The following PKD2L2 variants were observed in gnomAD, a reference collection of about 807,000 sequenced individuals.
PKD2L2 encodes polycystin 2 like 2, transient receptor potential cation channel, also known as polycystin-2-like protein 2.
A neutral mutation model predicts 83.9 loss-of-function variants in PKD2L2; 67 were observed. The ratio of observed to expected loss-of-function variants is 0.80; its 90% CI spans 0.66 to 0.98. The LOEUF (loss-of-function observed/expected upper bound fraction) is 0.98. Ranked by LOEUF, PKD2L2 falls within the 50% of genes least tolerant of loss-of-function variation. The probability of loss-of-function intolerance (pLI) is 0.00; values close to 1 mark genes in which losing one functional copy is unlikely to be tolerated. For synonymous variants in PKD2L2, 223 were observed against 237.8 expected (o/e 0.94, Z 0.57); for missense variants, 632 against 717.2 (o/e 0.88, Z 1.36).
chr5:137,909,176 G>C (rs373512810), intron 8 of PKD2L2, among the ~76,000 whole-genome samples: 15 of 152,046 alleles, frequency 9.9e-5, no homozygotes, highest in African/African-American at 3.6e-4. Flanking sequence ...AGGACTACAG[G>C]TGTGCACCAC....
chr5:137,892,620 T>C lies in PKD2L2; in HGVS notation c.267+7T>C, dbSNP rs746008795. ...CATAACTGATTTTTGGAAGGTAAAGTATCTTGTGACTGTGGATGAAGTAGA... is the reference window on the plus strand; with the variant it reads ...CATAACTGATTTTTGGAAGGTAAAGCATCTTGTGACTGTGGATGAAGTAGA... On this transcript the variant is annotated splice_region_variant and intron_variant, in intron 3 of 14. Coordinates refer to ENST00000508883, the MANE Select transcript of PKD2L2 (RefSeq NM_001300921.2). 2 of 1,610,230 alleles carry C rather than the reference T, an allele frequency of 1.2e-6. No homozygotes were observed. Among genetic ancestry groups the C allele is most frequent in the Admixed American group, 1.7e-5 (1 of 59,236 alleles).
chr5:137,914,874 TAAGATA>T (rs548999924), intron 8 of PKD2L2, among the ~76,000 whole-genome samples: 74 of 152,352 alleles, frequency 4.9e-4, no homozygotes, highest in African/African-American at 1.6e-3. Flanking sequence ...CTGCCTCTAT[TAAGATA>T]ATCATATGGT....
chr5:137,914,045 T>C (rs1234834868), intron 8 of PKD2L2, among the ~76,000 whole-genome samples: 1 of 32,942 alleles, frequency 3.0e-5, no homozygotes, highest in African/African-American at 7.8e-5. Context: ...TTTTTTTTTT[T>C]TTTTTTTTTT....
intron 4 of PKD2L2, among the ~76,000 whole-genome samples, chr5:137,897,247 G>A (rs1349999801): frequency 6.6e-6 from 1 of 151,576 alleles, no homozygotes; most frequent in African/African-American, 2.4e-5. Flanking sequence ...TGCAGAAATG[G>A]GATATCACCA....
Position 137,942,349 on chromosome 5 carries a change from A to G in PKD2L2, c.*18-35A>G. 9.6e-6 allele frequency: 3 copies of G among 311,276 alleles called. 1 individual carries two copies. The highest frequency in any genetic ancestry group is 1.8e-5 in the Non-Finnish European group (3 of 170,044). The allele number at this position is 311,276 out of a possible 1,614,324, so 19.3% of individuals were successfully genotyped here. ...AGTTCCTGTACTTTGTTATAAATCAACTGTAGGATTTTATTTGTTTGTTTC... is the reference window on the plus strand; with the variant it reads ...AGTTCCTGTACTTTGTTATAAATCAGCTGTAGGATTTTATTTGTTTGTTTC... On this transcript the variant is annotated intron_variant, in intron 14 of 14. Coordinates refer to ENST00000508883, the MANE Select transcript of PKD2L2 (RefSeq NM_001300921.2).
intron 8 of PKD2L2, among the ~76,000 whole-genome samples, chr5:137,917,007 A>T (rs958118000): frequency 6.6e-6 from 1 of 152,040 alleles, no homozygotes; most frequent in Non-Finnish European, 1.5e-5. Context: ...GTTTAAATTC[A>T]TATTGTTCAT....
At chr5:137,920,555 G>A (rs1483708026) in intron 8 of PKD2L2, among the ~76,000 whole-genome samples, 4 of 151,904 alleles carry the variant, frequency 2.6e-5, no homozygotes, top group East Asian at 3.9e-4. Context: ...TCAGGAGTTC[G>A]AGACCAGCCT....
chr5:137,935,301 T>C (rs748314038), intron 12 of PKD2L2, among the ~76,000 whole-genome samples: 1 of 152,154 alleles, frequency 6.6e-6, no homozygotes, highest in Non-Finnish European at 1.5e-5. Context: ...GGGCTTGTTT[T>C]TGGATACGTA....
Position 137,917,166 on chromosome 5 carries a change from T to TC in PKD2L2, c.1329-4470_1329-4469insC, listed in dbSNP as rs532100434. Among the ~76,000 whole-genome samples, 53 of 148,896 alleles carry TC rather than the reference T, an allele frequency of 3.6e-4. 1 individual carries two copies. Among genetic ancestry groups the TC allele is most frequent in the East Asian group, 7.8e-4 (4 of 5,118 alleles). ...TCTTGGTATCTGTTCACTTTTCTTTTTTTTTTTTTTTTTGAGATGGGAATC... is the reference window on the plus strand; with the variant it reads ...TCTTGGTATCTGTTCACTTTTCTTTTCTTTTTTTTTTTTTGAGATGGGAATC... On this transcript the variant is annotated intron_variant, in intron 8 of 14. Transcript: ENST00000508883.
intron 14 of PKD2L2, chr5:137,940,151 C>T (rs373460054): frequency 1.9e-6 from 3 of 1,613,380 alleles, no homozygotes; most frequent in East Asian, 2.2e-5. Context: ...AATTTAAGTA[C>T]CAGCCAAGTA....
At chr5:137,909,723 T>G (rs1029661029) in intron 8 of PKD2L2, among the ~76,000 whole-genome samples, 1 of 151,560 alleles carries the variant, frequency 6.6e-6, no homozygotes, top group Non-Finnish European at 1.5e-5. Context: ...TTTGTAGAGA[T>G]AAGGTTTAGC....
At chr5:137,911,804 C>G (rs1444086390) in intron 8 of PKD2L2, among the ~76,000 whole-genome samples, 1 of 152,184 alleles carries the variant, frequency 6.6e-6, no homozygotes, top group Non-Finnish European at 1.5e-5. Flanking sequence ...TCTCTCAACT[C>G]CCCCTGAACT....
rs1291570515 is a variant in PKD2L2 at position 137,906,331 on chromosome 5, T to G, written c.872T>G (p.Ile291Ser). Residue 291 changes from isoleucine (I) to serine (S), a missense_variant, in exon 6 of 15, where the codon ATT becomes AGT. By Grantham distance (142) the Ile-to-Ser change is moderately radical. This residue lies in a region of PKD2L2 where 399 missense variants were observed against 416.9 expected (regional missense o/e 0.96). Coordinates refer to ENST00000508883, the MANE Select transcript of PKD2L2 (RefSeq NM_001300921.2). Reference sequence around the variant, plus strand: ...GCTTCCTGTGAAATCACATTCTGTATTTTTCTTTTTGTCTTCACAACACAA... The same window carrying G: ...GCTTCCTGTGAAATCACATTCTGTAGTTTTCTTTTTGTCTTCACAACACAA... ...FIASCEITFC[I>S]FLFVFTTQEV... 6.2e-7 allele frequency: 1 copy of G among 1,607,190 alleles called. No homozygotes were observed. Among genetic ancestry groups the G allele is most frequent in the Non-Finnish European group, 8.5e-7 (1 of 1,173,870 alleles).
intron 12 of PKD2L2, among the ~76,000 whole-genome samples, chr5:137,931,172 C>G (rs1759844833): frequency 6.6e-6 from 1 of 151,978 alleles, no homozygotes; most frequent in South Asian, 2.1e-4. Context: ...GATAAAAAGC[C>G]TAAACAAATC....
chr5:137,893,580 A>C lies in PKD2L2; in HGVS notation c.268-773A>C, dbSNP rs117549558. ...ATGGGTATTTTAGGAAGAAGGAACA[A>C]TATGTTCTATAAGTAATTCTACATG... On this transcript the variant is annotated intron_variant, in intron 3 of 14. Transcript: ENST00000508883. Among the ~76,000 whole-genome samples, 6 of 152,332 alleles carry C rather than the reference A, an allele frequency of 3.9e-5. No homozygotes were observed. In the East Asian group the frequency reaches 1.2e-3, roughly 29 times the overall value.
intron 14 of PKD2L2, among the ~76,000 whole-genome samples, chr5:137,941,299 A>C (rs1437269915): frequency 6.6e-6 from 1 of 152,164 alleles, no homozygotes; most frequent in Non-Finnish European, 1.5e-5. Flanking sequence ...TAGAATTTGT[A>C]ATATTAGCTA....
At chr5:137,927,325 C>G (rs1172693350) in intron 12 of PKD2L2, among the ~76,000 whole-genome samples, 3 of 152,164 alleles carry the variant, frequency 2.0e-5, no homozygotes, top group South Asian at 4.1e-4. Context: ...GACATATAAT[C>G]TTAACCTAAA....
Position 137,941,986 on chromosome 5 carries a change from G to A in PKD2L2, c.*18-398G>A, listed in dbSNP as rs371431985. 85 of 1,613,860 alleles carry A rather than the reference G, an allele frequency of 5.3e-5. No homozygotes were observed. The Middle Eastern group carries it at 8.2e-4, about 16-fold the overall frequency. ...AAATGCTTCTTCAAATTCCCGCAAC[G>A]TTTTGCGTAGTTTCTTTTTTTCAGC... is the stretch of plus-strand genomic sequence containing the variant. On this transcript the variant is annotated intron_variant, in intron 14 of 14. Coordinates refer to ENST00000508883, the MANE Select transcript of PKD2L2 (RefSeq NM_001300921.2).
At chr5:137,908,019 T>C (rs1449323030) in intron 7 of PKD2L2, 107 bp downstream of exon 7, 4 of 542,918 alleles carry the variant, frequency 7.4e-6, no homozygotes, top group Non-Finnish European at 1.2e-5. Flanking sequence ...ATTAAGTAAT[T>C]TTAAAAGTAG....
Sources: allele counts gnomAD v4.1 joint callset (sites outside exome capture counted in the v4.1 genomes callset), GRCh38; gene constraint gnomAD v4.1.1; regional missense constraint gnomAD v4.1.1; transcripts MANE v1.5; gene names NCBI Gene and HGNC (gene_info 2026-07-23, HGNC 2026-07-21).